Variants in CLMP observed in about 807,000 individuals in gnomAD.
CLMP encodes CXADR-like membrane protein.
Under a neutral mutation model 45.2 loss-of-function variants are expected in CLMP, and 27 were observed. The ratio of observed to expected loss-of-function variants is 0.60; its 90% confidence interval spans 0.44 to 0.82. The LOEUF is 0.82. CLMP is among the 40% of genes least tolerant of loss of function. The pLI is 0.00. For missense variants in CLMP, 403 were observed against 448.4 expected, an observed-to-expected ratio of 0.90 and a Z score of 0.91; for synonymous variants, 167 against 171.4, an observed-to-expected ratio of 0.97 and a Z score of 0.20.
chr11:123,169,838 G>C (rs1276128926), intron 1 of CLMP, among the ~76,000 whole-genome samples: 1 of 152,158 alleles, frequency 6.6e-6, no homozygotes, highest in East Asian at 1.9e-4. Flanking sequence ...GTGTTGGGGG[G>C]TTTGTGGGCG....
chr11:123,125,331 G>T (rs1017801107), intron 1 of CLMP, among the ~76,000 whole-genome samples: 2 of 152,218 alleles, frequency 1.3e-5, no homozygotes, highest in Admixed American at 1.3e-4. Context: ...GCAAAGCACT[G>T]CCCTACTTAA....
chr11:123,110,513 G>A (rs945402768), intron 1 of CLMP, among the ~76,000 whole-genome samples: 1 of 151,922 alleles, frequency 6.6e-6, no homozygotes, highest in Non-Finnish European at 1.5e-5. Context: ...CAGCTACTAG[G>A]GAGGCTTAGA....
chr11:123,073,245 G>A lies in CLMP; in HGVS notation c.*229C>T. The A allele has an allele frequency of 2.1e-6, 1 of 487,182 alleles. No individual in the cohort carries two copies. The highest frequency in any genetic ancestry group is 3.6e-6 in the Non-Finnish European group (1 of 278,436). 30.2% of individuals were successfully genotyped at this position (487,182 alleles called of 1,614,324 possible). On this transcript the variant is annotated 3_prime_UTR_variant, in exon 7 of 7. Coordinates refer to ENST00000448775, the MANE Select transcript of CLMP (RefSeq NM_024769.5). ...TTGGACTCCTGCTTTCCCTTACTCT[G>A]GTCTAAAGGCACAATAAGATGCCTT...
intron 1 of CLMP, among the ~76,000 whole-genome samples, chr11:123,140,180 G>A (rs1861134441): frequency 6.6e-6 from 1 of 152,168 alleles, no homozygotes; most frequent in African/African-American, 2.4e-5. Flanking sequence ...TGTGGGATGC[G>A]GTGTTGATGG....
chr11:123,116,099 G>A (rs1860716658), intron 1 of CLMP, among the ~76,000 whole-genome samples: 1 of 151,852 alleles, frequency 6.6e-6, no homozygotes. Flanking sequence ...CAGGGTAGGT[G>A]ATGCAAAAAA....
Position 123,083,760 on chromosome 11 carries a change from G to A in CLMP, c.476C>T (p.Thr159Ile), listed in dbSNP as rs1422264542. Residue 159 changes from threonine to isoleucine, a missense_variant, in exon 4 of 7, where the codon ACA becomes ATA. Coordinates refer to ENST00000448775, the MANE Select transcript of CLMP (RefSeq NM_024769.5). ...CTGCCAGTAATACACAATGGGCTCT[G>A]TGCCAGAGGATGACTCACACTGCAA... ...LTLQCESSSG[T>I]EPIVYYWQRI... is the part of the protein sequence containing the mutation. 2 of 1,614,036 alleles carry A rather than the reference G, an allele frequency of 1.2e-6. No individual in the cohort carries two copies. Among genetic ancestry groups the A allele is most frequent in the Non-Finnish European group, 1.7e-6 (2 of 1,180,022 alleles).
chr11:123,178,422 T>C (rs1414185012), intron 1 of CLMP, among the ~76,000 whole-genome samples: 2 of 152,204 alleles, frequency 1.3e-5, no homozygotes, highest in African/African-American at 4.8e-5. Context: ...CTCTAGCATT[T>C]TTCTCATTTT....
At chr11:123,115,388 AT>A (rs1414594978) in intron 1 of CLMP, among the ~76,000 whole-genome samples, 2 of 151,892 alleles carry the variant, frequency 1.3e-5, no homozygotes, top group African/African-American at 4.8e-5. Flanking sequence ...TTAGACTCCC[AT>A]TTTTTACATA....
chr11:123,149,816 TCTC>T (rs1433855597), intron 1 of CLMP, among the ~76,000 whole-genome samples: 1 of 146,564 alleles, frequency 6.8e-6, no homozygotes. Flanking sequence ...TGTTTCTTTC[TCTC>T]TTTTTTTTTT....
Position 123,181,097 on chromosome 11 carries a change from G to C in CLMP, c.28+13816C>G, listed in dbSNP as rs1483049797. On this transcript the variant is annotated intron_variant, in intron 1 of 6. Coordinates refer to ENST00000448775, the MANE Select transcript of CLMP (RefSeq NM_024769.5). ...ATCCAGTCTATGGCTCCCCACAAAT[G>C]AATACCACACAGCGTGACCTCTATA... 3.3e-5 allele frequency among the ~76,000 whole-genome samples: 5 copies of C among 152,264 alleles called. No individual in the cohort carries two copies. In the South Asian group the frequency reaches 6.2e-4, roughly 19 times the overall value.
intron 1 of CLMP, among the ~76,000 whole-genome samples, chr11:123,176,573 C>A (rs767890589): frequency 2.6e-4 from 39 of 152,206 alleles, no homozygotes; most frequent in Non-Finnish European, 4.3e-4. Context: ...ATGCTGGTAA[C>A]TATTCCCTCT....
intron 1 of CLMP, among the ~76,000 whole-genome samples, chr11:123,177,023 C>T (rs1013516549): frequency 7.9e-5 from 12 of 152,258 alleles, no homozygotes; most frequent in Admixed American, 4.6e-4. Flanking sequence ...TGAAAGAATA[C>T]GTGTGAATCA....
At chr11:123,139,336 T>A (rs1287238435) in intron 1 of CLMP, among the ~76,000 whole-genome samples, 1 of 152,026 alleles carries the variant, frequency 6.6e-6, no homozygotes, top group Non-Finnish European at 1.5e-5. Flanking sequence ...CTGTTAGATG[T>A]CAAAAATAAA....
chr11:123,075,113 G>A (rs1049914564), intron 5 of CLMP, among the ~76,000 whole-genome samples: 3 of 151,820 alleles, frequency 2.0e-5, no homozygotes, highest in Non-Finnish European at 4.4e-5. Context: ...GCACCACCAC[G>A]CCCGGCTAAT....
intron 1 of CLMP, among the ~76,000 whole-genome samples, chr11:123,150,601 G>A (rs545132778): frequency 7.3e-6 from 1 of 137,816 alleles, no homozygotes; most frequent in South Asian, 2.6e-4. Flanking sequence ...AAGGAAGGAA[G>A]GAATGAAGGA....
chr11:123,087,872 C>T (rs1371387476), intron 2 of CLMP, among the ~76,000 whole-genome samples: 1 of 151,816 alleles, frequency 6.6e-6, no homozygotes, highest in African/African-American at 2.4e-5. Flanking sequence ...GTTGGCCCCA[C>T]ATCCTGTTGT....
chr11:123,159,844 G>T (rs887246618), intron 1 of CLMP, among the ~76,000 whole-genome samples: 1 of 152,176 alleles, frequency 6.6e-6, no homozygotes. Flanking sequence ...AATGAGGAAT[G>T]TATCAATTTT....
chr11:123,186,590 A>G (rs1392004475), intron 1 of CLMP, among the ~76,000 whole-genome samples: 3 of 151,180 alleles, frequency 2.0e-5, no homozygotes, highest in African/African-American at 4.9e-5. Flanking sequence ...CGTGATCTCA[A>G]CTCACTGCTG....
At chr11:123,082,111 A>G (rs1284463944) in intron 5 of CLMP, among the ~76,000 whole-genome samples, 1 of 152,220 alleles carries the variant, frequency 6.6e-6, no homozygotes, top group Admixed American at 6.5e-5. Flanking sequence ...GCACATGCAC[A>G]TACACACTCA....
Sources: allele counts gnomAD v4.1 joint callset (sites outside exome capture counted in the v4.1 genomes callset), GRCh38; gene constraint gnomAD v4.1.1; transcripts MANE v1.5; gene names NCBI Gene and HGNC (gene_info 2026-07-23, HGNC 2026-07-21).